PLXNB2: variants seen among roughly 807,000 people sequenced by gnomAD.
The protein encoded by PLXNB2 is plexin B2, also known as plexin-B2.
A neutral mutation model predicts 202.6 loss-of-function variants in PLXNB2; 85 were observed. The observed-to-expected ratio is 0.42, with a 90% confidence interval of 0.35 to 0.50. The LOEUF (loss-of-function observed/expected upper bound fraction) is 0.50, where lower values mean the gene tolerates loss of function less well. Ranked by LOEUF, PLXNB2 falls within the 20% of genes least tolerant of loss-of-function variation. PLXNB2 has a pLI of 0.02. For synonymous variants in PLXNB2, 1,239 were observed against 1,137.6 expected, an observed-to-expected ratio of 1.09 and a Z score of -1.79; for missense variants, 2,063 against 2,586.2, an observed-to-expected ratio of 0.80 and a Z score of 4.39.
rs376295504 is a variant in PLXNB2 at position 50,288,781 on chromosome 22, C to T, written c.1342G>A (p.Gly448Arg). Residue 448 changes from glycine to arginine, a missense_variant, in exon 5 of 37, where the codon GGA (glycine) becomes AGA (arginine). Physicochemically the swap from Gly to Arg is moderately radical, Grantham distance 125 (BLOSUM62 -2). This residue lies in a region of PLXNB2 where 1,303 missense variants were observed against 1,476.8 expected (regional missense o/e 0.88). Coordinates refer to ENST00000359337, the MANE Select transcript of PLXNB2 (RefSeq NM_012401.4). The surrounding 1 kb of genome is among the most constrained non-coding windows in gnomAD (Gnocchi z 5.0). ...KRVKRDLVLS[G>R]DLGSLYAMTQ... ...ATGGCGTACAGGCTGCCCAGGTCTC[C>T]AGACAGTACCAGGTCGCGCTTGACT... The T allele has an allele frequency of 4.5e-5, 72 of 1,612,988 alleles. No individual in the cohort carries two copies. Among genetic ancestry groups the T allele is most frequent in the African/African-American group, 6.7e-5 (5 of 74,930 alleles).
rs747986367 is a variant in PLXNB2 at position 50,275,633 on chromosome 22, G to A, written c.*71C>T. 1.8e-5 allele frequency: 20 copies of A among 1,106,060 alleles called. No homozygotes were observed. Among genetic ancestry groups the A allele is most frequent in the Admixed American group, 1.1e-4 (5 of 45,268 alleles). 68.5% of individuals were successfully genotyped at this position (1,106,060 alleles called of 1,614,324 possible). On this transcript the variant is annotated 3_prime_UTR_variant, in exon 37 of 37. Transcript: ENST00000359337. ...GTGGGGGCCTCAGCCACAGCCACTC[G>A]GCCTCCTCCCCTGAGGGGCTCTCAG...
chr22:50,285,679 G>C, intron 11 of PLXNB2, 121 bp downstream of exon 11: 1 of 533,016 alleles, frequency 1.9e-6, no homozygotes, highest in African/African-American at 3.6e-5. Context: ...CTCCGCACCT[G>C]AGCCTGCCTG....
At position 50,278,536 on chromosome 22, in the gene PLXNB2, T is replaced by C; in HGVS notation, c.4648-17A>G. The C allele has an allele frequency of 6.3e-7, 1 of 1,582,138 alleles. No individual in the cohort carries two copies. Among genetic ancestry groups the C allele is most frequent in the Non-Finnish European group, 8.6e-7 (1 of 1,164,256 alleles). On this transcript the variant is annotated splice_polypyrimidine_tract_variant and intron_variant, in intron 29 of 36. Transcript: ENST00000359337. ...ATCCCGGACCTGGGGAACACGGCGG[T>C]GAGGGTGGGCTGTGCCCCCAGGGTG... is the stretch of plus-strand genomic sequence containing the variant.
intron 27 of PLXNB2, 117 bp from the exon 28 acceptor site, chr22:50,279,128 G>GC: frequency 9.6e-7 from 1 of 1,045,876 alleles, no homozygotes; most frequent in Non-Finnish European, 1.4e-6. Context: ...TGGGCAGCAG[G>GC]CCCCCGCCAG....
At chr22:50,300,140 T>A (rs894408555) in intron 1 of PLXNB2, 19 of 441,078 alleles carry the variant, frequency 4.3e-5, no homozygotes, top group Admixed American at 6.4e-5. Context: ...AGGGAGCACG[T>A]GGCCGCCTCT....
rs372441836 is a variant in PLXNB2 at position 50,282,217 on chromosome 22, C to T, written c.3084G>A (p.Pro1028=). 85 of 1,611,644 alleles carry T rather than the reference C, an allele frequency of 5.3e-5. No individual in the cohort carries two copies. The South Asian group carries it at 6.9e-4, about 13-fold the overall frequency. ...GCTGCAGGGATTCAGCCTCCCGCGGCGGCTGCCAGGACTGCAGGGGCTCCG... is the reference window on the plus strand; with the variant it reads ...GCTGCAGGGATTCAGCCTCCCGCGGTGGCTGCCAGGACTGCAGGGGCTCCG... The part of the protein sequence containing the change: ...VIAEPLQSWQ[P]PREAESLQPM... Residue 1028 remains proline, a synonymous_variant, in exon 19 of 37, where the codon CCG becomes CCA. Transcript: ENST00000359337.
At chr22:50,301,377 G>A (rs920247597) in intron 1 of PLXNB2, 14 of 975,408 alleles carry the variant, frequency 1.4e-5, no homozygotes, top group Non-Finnish European at 1.7e-5. Context: ...AGGACCTCCT[G>A]TGGGAGGGGT....
At chr22:50,280,159 G>T in intron 25 of PLXNB2, 88 bp from the exon 26 acceptor site, 1 of 1,073,406 alleles carries the variant, frequency 9.3e-7, no homozygotes, top group Non-Finnish European at 1.4e-6. Context: ...CCACCCTTGC[G>T]CCAGCCTCGC....
At chr22:50,277,090 T>C (rs1283872033) in intron 33 of PLXNB2, among the ~76,000 whole-genome samples, 184 bp from the exon 34 acceptor site, 1 of 152,134 alleles carries the variant, frequency 6.6e-6, no homozygotes, top group Non-Finnish European at 1.5e-5. Flanking sequence ...GCAGATCACC[T>C]GAGGTCAGGG....
Position 50,276,854 on chromosome 22 carries a change from T to G in PLXNB2, c.5249A>C (p.Lys1750Thr). ...CAGGCAGACTTACTCCTCCACCATCTTCTTGTAGGTGGAGATCTCCTTGGC... is the reference window on the plus strand; with the variant it reads ...CAGGCAGACTTACTCCTCCACCATCGTCTTGTAGGTGGAGATCTCCTTGGC... ...LYAKEISTYKKMVEDYYKGIR... is the reference protein window; with the variant it reads ...LYAKEISTYKTMVEDYYKGIR... The change falls in exon 34 of 37, where the codon AAG (lysine) becomes ACG (threonine). Residue 1750 changes from lysine to threonine, a missense_variant. Around this residue, in one of 2 missense-constraint regions of PLXNB2, gnomAD observed 760 missense variants for 1,109.4 expected, o/e 0.69. Coordinates refer to ENST00000359337, the MANE Select transcript of PLXNB2 (RefSeq NM_012401.4). The G allele has an allele frequency of 1.2e-6, 2 of 1,606,652 alleles. No homozygotes were observed. Among genetic ancestry groups the G allele is most frequent in the Non-Finnish European group, 1.7e-6 (2 of 1,175,904 alleles).
chr22:50,283,429 C>G lies in PLXNB2; in HGVS notation c.2587G>C (p.Glu863Gln), dbSNP rs369024095. The G allele has an allele frequency of 5.5e-5, 89 of 1,612,958 alleles. No individual in the cohort carries two copies. Among genetic ancestry groups the G allele is most frequent in the Non-Finnish European group, 7.5e-5 (88 of 1,179,888 alleles). ...CCCGTGAAAGGCGTCTCCGCAGCCT[C>G]GATCACACACACGATCCTGGCGGGC... ...SVSTRIVCVIEAAETPFTGGV... is the reference protein window; with the variant it reads ...SVSTRIVCVIQAAETPFTGGV... Residue 863 changes from glutamate to glutamine, a missense_variant, in exon 16 of 37, where the codon GAG (glutamate) becomes CAG (glutamine). Around this residue, in one of 2 missense-constraint regions of PLXNB2, gnomAD observed 1,303 missense variants for 1,476.8 expected, o/e 0.88. Coordinates refer to ENST00000359337, the MANE Select transcript of PLXNB2 (RefSeq NM_012401.4).
chr22:50,302,069 G>A (rs1369021491), intron 1 of PLXNB2, among the ~76,000 whole-genome samples: 1 of 152,260 alleles, frequency 6.6e-6, no homozygotes, highest in Non-Finnish European at 1.5e-5. Flanking sequence ...TCAGAACCCA[G>A]CGCTGCCTGG....
intron 31 of PLXNB2, 46 bp downstream of exon 31, chr22:50,278,071 C>G: frequency 6.2e-7 from 1 of 1,603,722 alleles, no homozygotes; most frequent in East Asian, 2.2e-5. Context: ...GGGGGAGGGT[C>G]TCAGCGTGGC....
chr22:50,289,833 C>G lies in PLXNB2; in HGVS notation c.752G>C (p.Arg251Thr). The change falls in exon 3 of 37, where the codon AGA becomes ACA. Residue 251 changes from arginine to threonine, a missense_variant. Arg to Thr is a moderately conservative substitution (Grantham distance 71). Transcript: ENST00000359337. The surrounding 1 kb of genome is among the most constrained non-coding windows in gnomAD (Gnocchi z 8.0). ...GTAGGAGTAGTAGTTGGGGTCTTCT[C>G]TGCACATGCGTGCCAGCAGCGTGCG... ...RNRTLLARMC[R>T]EDPNYYSYLE... The G allele has an allele frequency of 6.2e-7, 1 of 1,613,324 alleles. No individual in the cohort carries two copies. The highest frequency in any genetic ancestry group is 8.5e-7 in the Non-Finnish European group (1 of 1,180,032).
intron 1 of PLXNB2, among the ~76,000 whole-genome samples, chr22:50,305,459 G>A (rs2067851121): frequency 6.6e-6 from 1 of 152,208 alleles, no homozygotes; most frequent in South Asian, 2.1e-4. Flanking sequence ...ACACAGCATC[G>A]CAGATGACTC....
In PLXNB2 at chr22:50,280,992, G is replaced by A. The variant is rs779663717; in HGVS notation, c.3764-19C>T. Reference sequence around the variant, plus strand: ...ATCAGGTCTGGGGGGAGGCTGGCGTGAGACGTCCCTGGCCACGTGGGGCCC... The same window carrying A: ...ATCAGGTCTGGGGGGAGGCTGGCGTAAGACGTCCCTGGCCACGTGGGGCCC... On this transcript the variant is annotated intron_variant, in intron 23 of 36. Coordinates refer to ENST00000359337, the MANE Select transcript of PLXNB2 (RefSeq NM_012401.4). 1.2e-6 allele frequency: 2 copies of A among 1,609,866 alleles called. No homozygotes were observed. The highest frequency in any genetic ancestry group is 1.7e-5 in the Admixed American group (1 of 59,998).
At position 50,287,999 on chromosome 22, in the gene PLXNB2, C is replaced by T. The variant is rs760443151; in HGVS notation, c.1419G>A (p.Pro473=). The change falls in exon 6 of 37, where the codon CCG becomes CCA. Residue 473 remains proline, a synonymous_variant. Transcript: ENST00000359337. ...GGGAGTCGCGGCACTGGGTGCAGGT[C>T]GGGTAGCTCAGGCACTCCTGCACCG... ...RLPVQECLSY[P]TCTQCRDSQD... 8 of 1,572,688 alleles carry T rather than the reference C, an allele frequency of 5.1e-6. No homozygotes were observed. The highest frequency in any genetic ancestry group is 2.4e-5 in the East Asian group (1 of 42,200).
chr22:50,278,059 G>T, intron 31 of PLXNB2, 46 bp from the exon 32 acceptor site: 2 of 1,593,284 alleles, frequency 1.3e-6, no homozygotes, highest in Non-Finnish European at 1.7e-6. Context: ...CGCGGCTCCT[G>T]GGGGGGAGGG....
In PLXNB2 at chr22:50,278,990, C is replaced by T; in HGVS notation, c.4411G>A (p.Asp1471Asn). The T allele has an allele frequency of 6.2e-7, 1 of 1,611,996 alleles. No homozygotes were observed. Among genetic ancestry groups the T allele is most frequent in the Non-Finnish European group, 8.5e-7 (1 of 1,178,842 alleles). ...APLTVSVIVQDEGVDAIPVKV... is the reference protein window; with the variant it reads ...APLTVSVIVQNEGVDAIPVKV... ...ACCGGGATGGCGTCCACTCCCTCGT[C>T]CTGCACGATCACGCTCACCGTCTGC... Residue 1471 changes from aspartate (D) to asparagine (N), a missense_variant, in exon 28 of 37, where the codon GAC becomes AAC. Around this residue, in one of 2 missense-constraint regions of PLXNB2, gnomAD observed 760 missense variants for 1,109.4 expected, o/e 0.69. Transcript: ENST00000359337.
Sources: gnomAD v4.1 joint callset for allele counts (sites outside exome capture counted in the v4.1 genomes callset) on GRCh38, gnomAD v4.1.1 for gene constraint, gnomAD v4.1.1 regional missense constraint, Gnocchi (gnomAD v3.1) non-coding constraint, MANE v1.5 for transcripts, NCBI Gene and HGNC (gene_info 2026-07-23, HGNC 2026-07-21) for gene names.